The following COL11A2 variants were observed in gnomAD, a reference collection of about 807,000 sequenced individuals.
COL11A2 encodes collagen alpha-2(XI) chain.
COL11A2 carries 116 observed loss-of-function variants against 273.4 expected under a neutral mutation model. The ratio of observed to expected loss-of-function variants is 0.42; its 90% CI spans 0.36 to 0.49. The LOEUF (loss-of-function observed/expected upper bound fraction) is 0.49, where lower values mean the gene tolerates loss of function less well. Ranked by LOEUF, COL11A2 falls within the 20% of genes least tolerant of loss-of-function variation. The pLI, the probability that COL11A2 is intolerant of heterozygous loss-of-function variation, is 0.00. For synonymous variants in COL11A2, 782 were observed against 864.2 expected, an observed-to-expected ratio of 0.90 and a Z score of 1.67; for missense variants, 1,866 against 2,309.0, an observed-to-expected ratio of 0.81 and a Z score of 3.93.
intron 8 of COL11A2, among the ~76,000 whole-genome samples, chr6:33,181,804 C>T (rs1057191923): frequency 6.6e-6 from 1 of 151,920 alleles, no homozygotes; most frequent in Admixed American, 6.5e-5. Context: ...GGATTTTAAA[C>T]CACCCACCTT....
intron 8 of COL11A2, among the ~76,000 whole-genome samples, chr6:33,181,716 C>T (rs2150591206): frequency 6.6e-6 from 1 of 151,932 alleles, no homozygotes; most frequent in South Asian, 2.1e-4. Flanking sequence ...AAAGTCCTGA[C>T]CTCAGGTGAT....
In COL11A2 at chr6:33,164,593, A is replaced by G. The variant is rs992926476; in HGVS notation, c.4864-120T>C. 5 of 907,288 alleles carry G rather than the reference A, an allele frequency of 5.5e-6. No homozygotes were observed. The highest frequency in any genetic ancestry group is 8.2e-6 in the Non-Finnish European group (5 of 611,346). 56.2% of individuals were successfully genotyped at this position (907,288 alleles called of 1,614,324 possible). A position where few individuals can be genotyped will look rare whatever the true frequency, so the allele number is the denominator to read the frequency against. On this transcript the variant is annotated intron_variant, in intron 64 of 65. Coordinates refer to ENST00000341947, the MANE Select transcript of COL11A2 (RefSeq NM_080680.3). This position sits in a 1 kb window ranked among gnomAD's most constrained non-coding sequence, Gnocchi z 4.7. The stretch of plus-strand genomic sequence containing the variant: ...GGACAGCTGAGCCAGAGTCATGAGC[A>G]GGGAATGGCTGGAAGGCAAGGGCTG...
At position 33,165,639 on chromosome 6, in the gene COL11A2, T is replaced by A; in HGVS notation, c.4660A>T (p.Ile1554Phe). 1.2e-6 allele frequency: 2 copies of A among 1,612,722 alleles called. No individual in the cohort carries two copies. The highest frequency in any genetic ancestry group is 1.7e-6 in the Non-Finnish European group (2 of 1,179,916). Residue 1554 changes from isoleucine (I) to phenylalanine (F), a missense_variant, in exon 63 of 66, where the codon ATC becomes TTC. Physicochemically the swap from Ile to Phe is conservative, Grantham distance 21. Transcript: ENST00000341947. This position sits in a 1 kb window ranked among gnomAD's most constrained non-coding sequence, Gnocchi z 7.7. ...CCTGTTGGCCGCCTCATCTGCTCGA[T>A]CTCCTCCCGCAGGGAGTCGAGTGAG... ...FGSLDSLREEIEQMRRPTGTQ... is the reference protein window; with the variant it reads ...FGSLDSLREEFEQMRRPTGTQ...
In COL11A2 at chr6:33,190,183, G is replaced by A. The variant is rs1461166775; in HGVS notation, c.83-714C>T. On this transcript the variant is annotated intron_variant, in intron 1 of 65. Coordinates refer to ENST00000341947, the MANE Select transcript of COL11A2 (RefSeq NM_080680.3). This position sits in a 1 kb window ranked among gnomAD's most constrained non-coding sequence, Gnocchi z 4.5. ...CAGGAGTCTGTGCCTCCTGGTTTAGGAGATGAGTTGGGGAGGGGTGGAGGA... is the reference window on the plus strand; with the variant it reads ...CAGGAGTCTGTGCCTCCTGGTTTAGAAGATGAGTTGGGGAGGGGTGGAGGA... 6.6e-6 allele frequency among the ~76,000 whole-genome samples: 1 copy of A among 152,022 alleles called. No homozygotes were observed. Among genetic ancestry groups the A allele is most frequent in the African/African-American group, 2.4e-5 (1 of 41,362 alleles).
Position 33,178,818 on chromosome 6 carries a change from T to C in COL11A2, c.1666-86A>G. On this transcript the variant is annotated intron_variant, in intron 17 of 65. Coordinates refer to ENST00000341947, the MANE Select transcript of COL11A2 (RefSeq NM_080680.3). This position sits in a 1 kb window ranked among gnomAD's most constrained non-coding sequence, Gnocchi z 4.6. ...ACTGCACCCTGAGCTGGGGGGGTGC[T>C]GATCCTGGGGAAGCCTGGAGAACTA... is the stretch of plus-strand genomic sequence containing the variant. The C allele has an allele frequency of 6.2e-7, 1 of 1,605,224 alleles. No individual in the cohort carries two copies. Among genetic ancestry groups the C allele is most frequent in the Non-Finnish European group, 8.5e-7 (1 of 1,173,134 alleles).
chr6:33,174,102 C>T lies in COL11A2; in HGVS notation c.2485-47G>A. 6 of 1,612,710 alleles carry T rather than the reference C, an allele frequency of 3.7e-6. No individual in the cohort carries two copies. In the South Asian group the frequency reaches 6.6e-5, roughly 18 times the overall value. ...GAACATTACCCAGGGTGAGACTCCCCACAGACCCCCTCTACACCTCTCCAG... is the reference window on the plus strand; with the variant it reads ...GAACATTACCCAGGGTGAGACTCCCTACAGACCCCCTCTACACCTCTCCAG... On this transcript the variant is annotated intron_variant, in intron 32 of 65. Coordinates refer to ENST00000341947, the MANE Select transcript of COL11A2 (RefSeq NM_080680.3).
chr6:33,183,565 G>A (rs761175341), intron 8 of COL11A2, among the ~76,000 whole-genome samples: 2 of 152,074 alleles, frequency 1.3e-5, no homozygotes, highest in African/African-American at 4.8e-5. Flanking sequence ...TATTGTCAAA[G>A]GAAATTGTCA....
At chr6:33,175,299 G>T (rs547632093) in intron 30 of COL11A2, among the ~76,000 whole-genome samples, 1 of 152,248 alleles carries the variant, frequency 6.6e-6, no homozygotes, top group East Asian at 1.9e-4. Context: ...CTGCTGCTTG[G>T]AGTCCGAACG....
Position 33,166,680 on chromosome 6 carries a change from C to T in COL11A2, c.4338+40G>A. 1 of 1,613,346 alleles carries T rather than the reference C, an allele frequency of 6.2e-7. No individual in the cohort carries two copies. Among genetic ancestry groups the T allele is most frequent in the Non-Finnish European group, 8.5e-7 (1 of 1,179,422 alleles). On this transcript the variant is annotated intron_variant, in intron 59 of 65. Transcript: ENST00000341947. This position sits in a 1 kb window ranked among gnomAD's most constrained non-coding sequence, Gnocchi z 4.8. The stretch of plus-strand genomic sequence containing the variant: ...CAACTCCACCCCTCTCCACCCCACT[C>T]TCAACCCCCACAACTTCCGGGACCA...
Position 33,177,863 on chromosome 6 carries a change from G to A in COL11A2, c.1873-157C>T, listed in dbSNP as rs944163325. On this transcript the variant is annotated intron_variant, in intron 21 of 65. Coordinates refer to ENST00000341947, the MANE Select transcript of COL11A2 (RefSeq NM_080680.3). The surrounding 1 kb of genome is among the most constrained non-coding windows in gnomAD (Gnocchi z 5.9). The stretch of plus-strand genomic sequence containing the variant: ...GCCCAGGCCTGCAGTGTGTGGGACT[G>A]TGGATCTGTGGGCTTGTGGGCTTTG... 9 of 847,932 alleles carry A rather than the reference G, an allele frequency of 1.1e-5. 1 individual carries two copies. The Middle Eastern group carries it at 6.6e-4, about 62-fold the overall frequency. The allele number at this position is 847,932 out of a possible 1,614,324, so 52.5% of individuals were successfully genotyped here.
Position 33,165,760 on chromosome 6 carries a change from C to G in COL11A2, c.4539G>C (p.Arg1513=). 6.2e-7 allele frequency: 1 copy of G among 1,612,806 alleles called. No homozygotes were observed. Among genetic ancestry groups the G allele is most frequent in the Non-Finnish European group, 8.5e-7 (1 of 1,180,000 alleles). ...TCAGACGGCTTCCATCCACCGAGCG[C>G]CGAGTCTTCTTGGGCATCTGAATGG... ...PLPIQMPKKT[R]RSVDGSRLMQ... Residue 1513 remains arginine, a synonymous_variant, in exon 63 of 66, where the codon CGG becomes CGC. Transcript: ENST00000341947. This position sits in a 1 kb window ranked among gnomAD's most constrained non-coding sequence, Gnocchi z 7.7.
At position 33,185,703 on chromosome 6, in the gene COL11A2, G is replaced by T. The variant is rs766136290; in HGVS notation, c.874C>A (p.Gln292Lys). Reference sequence around the variant, plus strand: ...ATGAAGGGGTCCCTTGAGTTTACCTGATAATCAGGGGTTGTCCCCGTAGTC... The same window carrying T: ...ATGAAGGGGTCCCTTGAGTTTACCTTATAATCAGGGGTTGTCCCCGTAGTC... ...VMTTGTTPDY[Q>K]DPTPGEEEEI... The change falls in exon 6 of 66, where the codon CAG becomes AAG. Residue 292 changes from glutamine (Q) to lysine (K), a missense_variant and splice_region_variant. Coordinates refer to ENST00000341947, the MANE Select transcript of COL11A2 (RefSeq NM_080680.3). The T allele has an allele frequency of 1.5e-6, 2 of 1,354,200 alleles. No individual in the cohort carries two copies. The highest frequency in any genetic ancestry group is 2.0e-6 in the Non-Finnish European group (2 of 1,010,920). The allele number at this position is 1,354,200 out of a possible 1,614,324, so 83.9% of individuals were successfully genotyped here.
Position 33,179,481 on chromosome 6 carries a change from G to C in COL11A2, c.1453C>G (p.Leu485Val). 6.4e-7 allele frequency: 1 copy of C among 1,562,400 alleles called. No homozygotes were observed. Among genetic ancestry groups the C allele is most frequent in the South Asian group, 1.2e-5 (1 of 84,976 alleles). ...CCCATGGGGCCAGGGGGTCCACGGA[G>C]CGCCAGCTAGGGGAGCAGGGGGACA... ...QAILQQARLA[L>V]RGPPGPMGYT... The change falls in exon 14 of 66, where the codon CTC becomes GTC. Residue 485 changes from leucine to valine, a missense_variant. Transcript: ENST00000341947. The surrounding 1 kb of genome is among the most constrained non-coding windows in gnomAD (Gnocchi z 6.4).
Position 33,181,537 on chromosome 6 carries a change from C to T in COL11A2, c.1120-367G>A, listed in dbSNP as rs373676079. Reference sequence around the variant, plus strand: ...TCACCCAGGCTGAAGTATAGTGGCGCGATCTCGGCTCACTACAACCTCTGC... The same window carrying T: ...TCACCCAGGCTGAAGTATAGTGGCGTGATCTCGGCTCACTACAACCTCTGC... On this transcript the variant is annotated intron_variant, in intron 8 of 65. Transcript: ENST00000341947. Among the ~76,000 whole-genome samples the T allele has an allele frequency of 2.0e-3, 307 of 152,194 alleles. 5 individuals carry two copies. In the South Asian group the frequency reaches 0.033, roughly 17 times the overall value.
At chr6:33,184,711 C>T (rs1772149097) in intron 7 of COL11A2, among the ~76,000 whole-genome samples, 1 of 152,102 alleles carries the variant, frequency 6.6e-6, no homozygotes, top group Non-Finnish European at 1.5e-5. Flanking sequence ...AGAAATAGGA[C>T]ATAGAAAGTA....
At chr6:33,184,510 A>G (rs539241322) in intron 7 of COL11A2, among the ~76,000 whole-genome samples, 186 bp from the exon 8 acceptor site, 1 of 152,364 alleles carries the variant, frequency 6.6e-6, no homozygotes, top group African/African-American at 2.4e-5. Context: ...TCAAAGGCCA[A>G]AAATGGGGAG....
intron 8 of COL11A2, among the ~76,000 whole-genome samples, chr6:33,183,578 A>G (rs1410648285): frequency 6.6e-6 from 1 of 152,208 alleles, no homozygotes; most frequent in Admixed American, 6.5e-5. Flanking sequence ...AATTGTCACA[A>G]GATAGCATGA....
intron 4 of COL11A2, among the ~76,000 whole-genome samples, chr6:33,188,055 G>T (rs1772639675): frequency 1.3e-5 from 2 of 152,012 alleles, no homozygotes; most frequent in South Asian, 4.2e-4. Flanking sequence ...GTGTGCATAG[G>T]TTGGCTGAGG....
Position 33,177,619 on chromosome 6 carries a change from C to G in COL11A2, c.1917+43G>C. ...GCCAACAGGATGCTGGCAGGGACCT[C>G]GGGGGATAAGAATGGGGGTGGGATC... On this transcript the variant is annotated intron_variant, in intron 22 of 65. Transcript: ENST00000341947. The surrounding 1 kb of genome is among the most constrained non-coding windows in gnomAD (Gnocchi z 5.9). 6 of 1,611,004 alleles carry G rather than the reference C, an allele frequency of 3.7e-6. No homozygotes were observed. The highest frequency in any genetic ancestry group is 5.1e-6 in the Non-Finnish European group (6 of 1,178,470).
Sources: gnomAD v4.1 joint callset for allele counts (sites outside exome capture counted in the v4.1 genomes callset) on GRCh38, gnomAD v4.1.1 for gene constraint, Gnocchi (gnomAD v3.1) non-coding constraint, MANE v1.5 for transcripts, NCBI Gene and HGNC (gene_info 2026-07-23, HGNC 2026-07-21) for gene names.